The following RHBDD1 variants were observed in gnomAD, a reference collection of about 807,000 sequenced individuals.
RHBDD1 encodes the protein rhomboid-related protein 4.
Under a neutral mutation model 36.3 loss-of-function variants are expected in RHBDD1, and 38 were observed. The observed-to-expected ratio is 1.05, with a 90% CI of 0.81 to 1.37. RHBDD1 has a LOEUF of 1.37. Among genes scored for constraint, RHBDD1 ranks in the 40% most tolerant of loss-of-function variants. The probability of loss-of-function intolerance (pLI) is 0.00; values close to 1 mark genes in which losing one functional copy is unlikely to be tolerated. For synonymous variants in RHBDD1, 151 were observed against 136.5 expected, an observed-to-expected ratio of 1.11 and a Z score of -0.74; for missense variants, 393 against 377.6, an observed-to-expected ratio of 1.04 and a Z score of -0.34.
intron 3 of RHBDD1, among the ~76,000 whole-genome samples, chr2:226,857,477 A>T (rs927545515): frequency 6.6e-6 from 1 of 152,232 alleles, no homozygotes; most frequent in Non-Finnish European, 1.5e-5. Context: ...TAAAAATTGT[A>T]CATGAATGTT....
chr2:226,849,650 C>G (rs1160565188), intron 3 of RHBDD1, among the ~76,000 whole-genome samples: 2 of 152,244 alleles, frequency 1.3e-5, no homozygotes, highest in Admixed American at 1.3e-4. Flanking sequence ...AACACAGCAA[C>G]GACAGAGAGT....
At chr2:226,933,486 C>T (rs1287277908) in intron 8 of RHBDD1, among the ~76,000 whole-genome samples, 1 of 152,052 alleles carries the variant, frequency 6.6e-6, no homozygotes, top group Admixed American at 6.6e-5. Context: ...TCTGGGTTCC[C>T]TTGCTGGCTT....
intron 3 of RHBDD1, among the ~76,000 whole-genome samples, chr2:226,844,057 G>A (rs950210317): frequency 3.9e-5 from 6 of 152,118 alleles, no homozygotes; most frequent in African/African-American, 7.2e-5. Flanking sequence ...TCTGGTTTAT[G>A]TGCATAAAGG....
At chr2:226,888,828 G>A (rs1347465067) in intron 5 of RHBDD1, among the ~76,000 whole-genome samples, 1 of 152,100 alleles carries the variant, frequency 6.6e-6, no homozygotes, top group Admixed American at 6.6e-5. Flanking sequence ...AATAACAATT[G>A]TGTTAGTCAC....
chr2:226,981,620 G>A (rs1042796308), intron 8 of RHBDD1, among the ~76,000 whole-genome samples: 3 of 151,988 alleles, frequency 2.0e-5, no homozygotes, highest in African/African-American at 7.3e-5. Flanking sequence ...TAGGATTTGG[G>A]AGAGGGATAA....
chr2:226,803,308 A>ATTG, the RHBDD1 span, among the ~76,000 whole-genome samples: 5 of 149,268 alleles, frequency 3.3e-5, no homozygotes, highest in African/African-American at 1.2e-4. Flanking sequence ...GATGACTAAA[A>ATTG]TGTGTGTGTG....
intron 8 of RHBDD1, among the ~76,000 whole-genome samples, chr2:226,982,790 C>CTTAG (rs1956073060): frequency 6.6e-6 from 1 of 152,122 alleles, no homozygotes; most frequent in Non-Finnish European, 1.5e-5. Flanking sequence ...TATGATGCAC[C>CTTAG]CACTATGTAC....
intron 5 of RHBDD1, 105 bp from the exon 6 acceptor site, chr2:226,906,688 G>A (rs1948076845): frequency 1.3e-6 from 2 of 1,589,274 alleles, no homozygotes; most frequent in Non-Finnish European, 1.7e-6. Context: ...GTGGAACAAA[G>A]CCTGCAGACT....
intron 8 of RHBDD1, among the ~76,000 whole-genome samples, chr2:226,955,480 C>A (rs186703030): frequency 6.6e-6 from 1 of 152,334 alleles, no homozygotes; most frequent in Admixed American, 6.5e-5. Flanking sequence ...GGTCACTGAT[C>A]TTTGAGAATG....
intron 3 of RHBDD1, among the ~76,000 whole-genome samples, chr2:226,847,543 G>T (rs1333753124): frequency 6.6e-6 from 1 of 152,220 alleles, no homozygotes; most frequent in African/African-American, 2.4e-5. Flanking sequence ...CCAAATGGTT[G>T]AGTGGCTCTC....
At chr2:226,900,053 C>T (rs1476795032) in intron 5 of RHBDD1, among the ~76,000 whole-genome samples, 1 of 152,160 alleles carries the variant, frequency 6.6e-6, no homozygotes, top group African/African-American at 2.4e-5. Flanking sequence ...TCACCTCAAT[C>T]AAGGGTTTTT....
At chr2:226,944,528 G>C (rs532237705) in intron 8 of RHBDD1, among the ~76,000 whole-genome samples, 1 of 152,158 alleles carries the variant, frequency 6.6e-6, no homozygotes, top group African/African-American at 2.4e-5. Context: ...TCTGAAAAGC[G>C]TGTCTTTCTC....
intron 8 of RHBDD1, among the ~76,000 whole-genome samples, chr2:226,937,538 C>T (rs562882897): frequency 2.6e-5 from 4 of 151,898 alleles, no homozygotes; most frequent in Non-Finnish European, 5.9e-5. Context: ...ATTTTACCAC[C>T]CAGGTATTAA....
chr2:226,996,355 T>C lies in RHBDD1; in HGVS notation c.*833T>C, dbSNP rs1959279328. On this transcript the variant is annotated 3_prime_UTR_variant, in exon 9 of 9. Transcript: ENST00000392062. Reference sequence around the variant, plus strand: ...CTAGAGATCTATCTTGCAGAAAGTATGTTTTTCCTCATAAAAGTGCCTCTT... The same window carrying C: ...CTAGAGATCTATCTTGCAGAAAGTACGTTTTTCCTCATAAAAGTGCCTCTT... The C allele has an allele frequency of 6.6e-6, 1 of 152,238 alleles. No homozygotes were observed. 9.4% of individuals were successfully genotyped at this position (152,238 alleles called of 1,614,324 possible).
intron 5 of RHBDD1, among the ~76,000 whole-genome samples, chr2:226,901,257 T>C (rs1947562576): frequency 6.6e-6 from 1 of 152,208 alleles, no homozygotes; most frequent in Non-Finnish European, 1.5e-5. Context: ...CGTGTGTGTG[T>C]ATACATACCA....
the RHBDD1 span, among the ~76,000 whole-genome samples, chr2:226,826,913 G>T: frequency 6.6e-6 from 1 of 152,098 alleles, no homozygotes; most frequent in Non-Finnish European, 1.5e-5. Flanking sequence ...TCAAAGAAAA[G>T]ATCATTATAA....
intron 8 of RHBDD1, among the ~76,000 whole-genome samples, chr2:226,978,048 T>C (rs1954911335): frequency 6.6e-6 from 1 of 152,228 alleles, no homozygotes; most frequent in African/African-American, 2.4e-5. Context: ...TGGTGTAGTG[T>C]CCTCACTGGA....
chr2:226,875,718 A>G (rs2125337230), intron 5 of RHBDD1, among the ~76,000 whole-genome samples: 1 of 152,366 alleles, frequency 6.6e-6, no homozygotes, highest in Non-Finnish European at 1.5e-5. Flanking sequence ...GGGGAAGAGA[A>G]AGAACAAATA....
chr2:226,958,174 A>G (rs963270642), intron 8 of RHBDD1, among the ~76,000 whole-genome samples: 1 of 152,262 alleles, frequency 6.6e-6, no homozygotes, highest in African/African-American at 2.4e-5. Context: ...TGGTATATGC[A>G]TACGATGGAA....
Sources: allele counts gnomAD v4.1 joint callset (sites outside exome capture counted in the v4.1 genomes callset), GRCh38; gene constraint gnomAD v4.1.1; transcripts MANE v1.5; gene names NCBI Gene and HGNC (gene_info 2026-07-23, HGNC 2026-07-21).